ASIC2: variants seen among roughly 807,000 people sequenced by gnomAD.
ASIC2 encodes the protein acid-sensing ion channel 2.
ASIC2 carries 25 observed loss-of-function variants against 57.3 expected under a neutral mutation model. That is an observed-to-expected ratio of 0.44 (90% CI 0.32 to 0.61). ASIC2 has a LOEUF of 0.61. ASIC2 is among the 20% of genes least tolerant of loss of function. The probability of loss-of-function intolerance (pLI) is 0.06; values close to 1 mark genes in which losing one functional copy is unlikely to be tolerated. For missense variants in ASIC2, 641 were observed against 738.1 expected, an observed-to-expected ratio of 0.87 and a Z score of 1.52; for synonymous variants, 319 against 307.5, an observed-to-expected ratio of 1.04 and a Z score of -0.39.
intron 1 of ASIC2, among the ~76,000 whole-genome samples, chr17:33,578,482 T>C (rs1401638761): frequency 6.6e-6 from 1 of 152,134 alleles, no homozygotes. Context: ...CAAAGTAAAA[T>C]GGGTGGGCGA....
rs1597915711 is a variant in ASIC2, at chr17:33,883,489, A to C, written c.555+272489T>G. The stretch of plus-strand genomic sequence containing the variant: ...CTGTAGACTCATCAGATACAGAAAG[A>C]CTCCATACTTCCCCCTTTCCACAGG... On this transcript the variant is annotated intron_variant, in intron 1 of 9. Transcript: ENST00000359872. 2.6e-5 allele frequency among the ~76,000 whole-genome samples: 4 copies of C among 152,028 alleles called. 1 individual carries two copies. Among genetic ancestry groups the C allele is most frequent in the African/African-American group, 9.6e-5 (4 of 41,462 alleles).
chr17:34,086,289 A>G (rs914441159), intron 1 of ASIC2, among the ~76,000 whole-genome samples: 4 of 151,918 alleles, frequency 2.6e-5, no homozygotes, highest in African/African-American at 9.7e-5. Flanking sequence ...CCTTCATTTC[A>G]TTATGTACCA....
At chr17:33,244,206 C>T (rs994037243) in intron 1 of ASIC2, among the ~76,000 whole-genome samples, 2 of 151,890 alleles carry the variant, frequency 1.3e-5, no homozygotes, top group African/African-American at 4.8e-5. Context: ...AGGTCAAATA[C>T]TTCAAGATAT....
rs1052413996 is a variant in ASIC2 at position 33,230,049 on chromosome 17, T to C, written c.708+61359A>G. Among the ~76,000 whole-genome samples, 16 of 152,166 alleles carry C rather than the reference T, an allele frequency of 1.1e-4. 1 individual carries two copies. The highest frequency in any genetic ancestry group is 3.6e-4 in the African/African-American group (15 of 41,436). On this transcript the variant is annotated intron_variant, in intron 1 of 9. Transcript: ENST00000225823. ...CAGCCAAGGATGGTTATGCAGGACA[T>C]CTGTTCCCTCCCCTGCATCCCAGGT...
chr17:34,153,014 T>A (rs533794392), intron 1 of ASIC2, among the ~76,000 whole-genome samples: 1 of 152,214 alleles, frequency 6.6e-6, no homozygotes, highest in Non-Finnish European at 1.5e-5. Flanking sequence ...CCTGTTTACA[T>A]TGTAGTCAGC....
intron 1 of ASIC2, among the ~76,000 whole-genome samples, chr17:33,705,296 A>G (rs1039471787): frequency 8.5e-5 from 13 of 152,224 alleles, no homozygotes; most frequent in Admixed American, 7.2e-4. Flanking sequence ...TCCTTTAATT[A>G]ATCAACTAAC....
At chr17:33,249,540 A>C (rs1012837669) in intron 1 of ASIC2, among the ~76,000 whole-genome samples, 1 of 152,130 alleles carries the variant, frequency 6.6e-6, no homozygotes, top group African/African-American at 2.4e-5. Context: ...GAGCCCTGAG[A>C]CAAAAGAAGG....
intron 1 of ASIC2, among the ~76,000 whole-genome samples, chr17:33,115,014 C>A (rs2092275232): frequency 6.6e-6 from 1 of 152,182 alleles, no homozygotes; most frequent in Non-Finnish European, 1.5e-5. Flanking sequence ...AAGGCTTTCC[C>A]TGTCAAAGAG....
At chr17:33,443,131 CCTT>C (rs1465017769) in intron 1 of ASIC2, among the ~76,000 whole-genome samples, 5 of 152,060 alleles carry the variant, frequency 3.3e-5, no homozygotes, top group Admixed American at 1.3e-4. Context: ...AGTATATAAT[CCTT>C]CTTATATGTT....
intron 1 of ASIC2, among the ~76,000 whole-genome samples, chr17:34,042,656 C>T (rs1908183894): frequency 6.6e-6 from 1 of 152,042 alleles, no homozygotes. Flanking sequence ...ATGGTTTCAT[C>T]CATATATATC....
intron 1 of ASIC2, among the ~76,000 whole-genome samples, chr17:33,662,203 T>C (rs1390224246): frequency 6.6e-6 from 1 of 152,156 alleles, no homozygotes; most frequent in Admixed American, 6.5e-5. Context: ...ACACAGCAGT[T>C]AGGTAGCCGA....
At chr17:33,404,446 G>A (rs975505135) in intron 1 of ASIC2, among the ~76,000 whole-genome samples, 5 of 152,216 alleles carry the variant, frequency 3.3e-5, no homozygotes, top group African/African-American at 1.2e-4. Context: ...ACAAGAGCAA[G>A]GTAGAGGATC....
chr17:33,463,363 T>C (rs930641601), intron 1 of ASIC2, among the ~76,000 whole-genome samples: 11 of 152,232 alleles, frequency 7.2e-5, no homozygotes, highest in African/African-American at 2.4e-4. Context: ...TGCATCATGA[T>C]GATTCTCCTT....
chr17:33,605,190 A>G (rs1192036153), intron 1 of ASIC2, among the ~76,000 whole-genome samples: 1 of 152,216 alleles, frequency 6.6e-6, no homozygotes, highest in Non-Finnish European at 1.5e-5. Context: ...TGGGCAAGTG[A>G]TACCTTCTGT....
intron 1 of ASIC2, among the ~76,000 whole-genome samples, chr17:33,367,608 C>T (rs1908864758): frequency 6.6e-6 from 1 of 152,176 alleles, no homozygotes; most frequent in Non-Finnish European, 1.5e-5. Flanking sequence ...GGTACTCACT[C>T]TTTTTTTGTT....
chr17:33,101,107 C>T (rs939371198), intron 2 of ASIC2, among the ~76,000 whole-genome samples: 4 of 152,162 alleles, frequency 2.6e-5, no homozygotes, highest in Admixed American at 2.6e-4. Flanking sequence ...GTGCCCTGGA[C>T]ACTCGGAACT....
intron 1 of ASIC2, among the ~76,000 whole-genome samples, chr17:33,432,918 T>C (rs928512361): frequency 1.3e-5 from 2 of 152,176 alleles, no homozygotes; most frequent in Non-Finnish European, 2.9e-5. Context: ...GTTGGCAAGG[T>C]TGCAGAGACA....
intron 1 of ASIC2, among the ~76,000 whole-genome samples, chr17:33,934,556 C>T (rs1384582663): frequency 2.0e-5 from 3 of 152,100 alleles, no homozygotes; most frequent in East Asian, 1.9e-4. Flanking sequence ...CCGTGGGCAC[C>T]GAGGAGGACC....
chr17:33,579,694 A>G (rs1187750546), intron 1 of ASIC2, among the ~76,000 whole-genome samples: 5 of 152,004 alleles, frequency 3.3e-5, no homozygotes, highest in Admixed American at 2.6e-4. Flanking sequence ...GAAGCTACAG[A>G]CCTTCGCAGC....
Sources: gnomAD v4.1 joint callset for allele counts (sites outside exome capture counted in the v4.1 genomes callset) on GRCh38, gnomAD v4.1.1 for gene constraint, MANE v1.5 for transcripts, NCBI Gene and HGNC (gene_info 2026-07-23, HGNC 2026-07-21) for gene names.